SNX22: variants seen among roughly 807,000 people sequenced by gnomAD.
The protein encoded by SNX22 is sorting nexin 22.
SNX22 carries 23 observed loss-of-function variants against 24.7 expected under a neutral mutation model. The ratio of observed to expected loss-of-function variants is 0.93; its 90% CI spans 0.67 to 1.32. SNX22 has a LOEUF of 1.32. Among genes scored for constraint, SNX22 ranks in the 40% most tolerant of loss-of-function variants. SNX22 has a pLI of 0.00. For synonymous variants in SNX22, 99 were observed against 104.0 expected (o/e 0.95, Z 0.29); for missense variants, 261 against 249.9 (o/e 1.04, Z -0.30).
chr15:64,152,778 C>G, intron 3 of SNX22, 36 bp downstream of exon 3: 1 of 1,587,606 alleles, frequency 6.3e-7, no homozygotes, highest in African/African-American at 1.3e-5. Flanking sequence ...CCCCGGCCTT[C>G]TGTGCCAGGG....
chr15:64,152,561 A>C, intron 2 of SNX22, 77 bp from the exon 3 acceptor site: 1 of 1,419,632 alleles, frequency 7.0e-7, no homozygotes, highest in African/African-American at 1.4e-5. Flanking sequence ...GGGGCGCGGG[A>C]GGGCTTCTGG....
At chr15:64,152,538 G>A in intron 2 of SNX22, 100 bp from the exon 3 acceptor site, 1 of 1,308,786 alleles carries the variant, frequency 7.6e-7, no homozygotes, top group Non-Finnish European at 1.1e-6. Context: ...TGTCCCAGTA[G>A]AGCCCGAAGG....
chr15:64,151,797 T>TCGGTGGGGCCCGAGG lies in SNX22; in HGVS notation c.24_38dup (p.Val9_Ala13dup). 1 of 1,516,102 alleles carries TCGGTGGGGCCCGAGG rather than the reference T, an allele frequency of 6.6e-7. No homozygotes were observed. The highest frequency in any genetic ancestry group is 8.8e-7 in the Non-Finnish European group (1 of 1,132,496). 93.9% of individuals were successfully genotyped at this position (1,516,102 alleles called of 1,614,324 possible). A position where few individuals can be genotyped will look rare whatever the true frequency, so the allele number is the denominator to read the frequency against. ...GCGGATGCTGGAAGTTCACATCCCG[T>TCGGTGGGGCCCGAGG]CGGTGGGGCCCGAGGCCGAGGGGCC... On this transcript the variant is annotated inframe_insertion, in exon 1 of 7. Coordinates refer to ENST00000325881, the MANE Select transcript of SNX22 (RefSeq NM_024798.3).
Position 64,156,103 on chromosome 15 carries a change from C to A in SNX22, c.*1595C>A. The stretch of plus-strand genomic sequence containing the variant: ...ATGATCACATCCTTCAGGGGTTTAT[C>A]CCGGCTGTCTGTCTTGGTGCTCTCC... On this transcript the variant is annotated 3_prime_UTR_variant, in exon 7 of 7. Transcript: ENST00000325881. The surrounding 1 kb of genome is among the most constrained non-coding windows in gnomAD (Gnocchi z 6.4). 6 of 1,614,214 alleles carry A rather than the reference C, an allele frequency of 3.7e-6. No homozygotes were observed. Among genetic ancestry groups the A allele is most frequent in the Non-Finnish European group, 3.4e-6 (4 of 1,180,038 alleles).
chr15:64,154,710 A>G lies in SNX22; in HGVS notation c.*202A>G. The G allele has an allele frequency of 1.7e-6, 1 of 593,138 alleles. No individual in the cohort carries two copies. The highest frequency in any genetic ancestry group is 2.8e-6 in the Non-Finnish European group (1 of 351,438). The allele number at this position is 593,138 out of a possible 1,614,324, so 36.7% of individuals were successfully genotyped here. A position where few individuals can be genotyped will look rare whatever the true frequency, so the allele number is the denominator to read the frequency against. On this transcript the variant is annotated 3_prime_UTR_variant, in exon 7 of 7. Transcript: ENST00000325881. ...TAGAATTTGTATGCTCTTAGAGCCC[A>G]ACAGCCAAGGCAGGGTCAAGAAGAT...
rs905339451 is a variant in SNX22 at position 64,156,946 on chromosome 15, T to C, written c.*2438T>C. 1.1e-5 allele frequency: 18 copies of C among 1,607,088 alleles called. No individual in the cohort carries two copies. Among genetic ancestry groups the C allele is most frequent in the Middle Eastern group, 1.8e-4 (1 of 5,624 alleles). ...GACAGAGCAGGTCAGGGGCGCTGGA[T>C]TGCGCCAAACCAAGCAGACATTCGG... is the stretch of plus-strand genomic sequence containing the variant. On this transcript the variant is annotated 3_prime_UTR_variant, in exon 7 of 7. Transcript: ENST00000325881. The surrounding 1 kb of genome is among the most constrained non-coding windows in gnomAD (Gnocchi z 6.4).
chr15:64,156,547 G>T lies in SNX22; in HGVS notation c.*2039G>T. ...TGGCTGGGCTCTGAGGGGGCTGGAA[G>T]AATTTAGAACCTTGGAGGCATGGAG... is the stretch of plus-strand genomic sequence containing the variant. On this transcript the variant is annotated 3_prime_UTR_variant, in exon 7 of 7. Transcript: ENST00000325881. This position sits in a 1 kb window ranked among gnomAD's most constrained non-coding sequence, Gnocchi z 6.4. The T allele has an allele frequency of 1.2e-6, 1 of 825,370 alleles. No homozygotes were observed. 51.1% of individuals were successfully genotyped at this position (825,370 alleles called of 1,614,324 possible). A position where few individuals can be genotyped will look rare whatever the true frequency, so the allele number is the denominator to read the frequency against.
In SNX22 at chr15:64,156,632, G is replaced by A. The variant is rs2081533714; in HGVS notation, c.*2124G>A. Reference sequence around the variant, plus strand: ...GCATCTGTGGGTTGGGTCCTTTTGGGAAAGGGATGGACACATGGAGCTCCT... The same window carrying A: ...GCATCTGTGGGTTGGGTCCTTTTGGAAAAGGGATGGACACATGGAGCTCCT... On this transcript the variant is annotated 3_prime_UTR_variant, in exon 7 of 7. Coordinates refer to ENST00000325881, the MANE Select transcript of SNX22 (RefSeq NM_024798.3). The surrounding 1 kb of genome is among the most constrained non-coding windows in gnomAD (Gnocchi z 6.4). 1.8e-5 allele frequency: 27 copies of A among 1,495,698 alleles called. No individual in the cohort carries two copies. In the South Asian group the frequency reaches 3.1e-4, roughly 17 times the overall value. 92.7% of individuals were successfully genotyped at this position (1,495,698 alleles called of 1,614,324 possible).
chr15:64,156,212 C>T lies in SNX22; in HGVS notation c.*1704C>T, dbSNP rs1184590379. The T allele has an allele frequency of 6.3e-7, 1 of 1,597,744 alleles. No homozygotes were observed. Among genetic ancestry groups the T allele is most frequent in the African/African-American group, 1.3e-5 (1 of 74,676 alleles). ...GAGGTCCACCGCTCAGGAGAAAGGCCCCAGCGTATGGCTCAGGAGGGCTAA... is the reference window on the plus strand; with the variant it reads ...GAGGTCCACCGCTCAGGAGAAAGGCTCCAGCGTATGGCTCAGGAGGGCTAA... On this transcript the variant is annotated 3_prime_UTR_variant, in exon 7 of 7. Coordinates refer to ENST00000325881, the MANE Select transcript of SNX22 (RefSeq NM_024798.3). This position sits in a 1 kb window ranked among gnomAD's most constrained non-coding sequence, Gnocchi z 6.4.
Position 64,157,216 on chromosome 15 carries a change from G to A in SNX22, c.*2708G>A. 1 of 421,540 alleles carries A rather than the reference G, an allele frequency of 2.4e-6. No individual in the cohort carries two copies. Among genetic ancestry groups the A allele is most frequent in the Non-Finnish European group, 4.4e-6 (1 of 228,358 alleles). 26.1% of individuals were successfully genotyped at this position (421,540 alleles called of 1,614,324 possible). ...TCAGCTCCCCTTAGCTATGGCCCAG[G>A]CCTGCCACGGAGGGACTTTGGTGGA... On this transcript the variant is annotated 3_prime_UTR_variant, in exon 7 of 7. Transcript: ENST00000325881. The surrounding 1 kb of genome is among the most constrained non-coding windows in gnomAD (Gnocchi z 4.2).
Position 64,154,471 on chromosome 15 carries a change from C to T in SNX22, c.545C>T (p.Ala182Val), listed in dbSNP as rs199721409. ...AGCCCAGATAAAGCCCAGCCAAAGG[C>T]GGCCTGTCACCCTGCTCCTCTGCCA... ...SISPDKAQPK[A>V]ACHPAPLPPM... The change falls in exon 7 of 7, where the codon GCG becomes GTG. Residue 182 changes from alanine to valine, a missense_variant. Transcript: ENST00000325881. 6.6e-5 allele frequency: 106 copies of T among 1,614,186 alleles called. 2 individuals are homozygous for T. The South Asian group carries it at 7.9e-4, about 12-fold the overall frequency.
In SNX22 at chr15:64,156,621, G is replaced by T; in HGVS notation, c.*2113G>T. 1 of 1,375,588 alleles carries T rather than the reference G, an allele frequency of 7.3e-7. No homozygotes were observed. Among genetic ancestry groups the T allele is most frequent in the Non-Finnish European group, 1.0e-6 (1 of 963,436 alleles). The allele number at this position is 1,375,588 out of a possible 1,614,324, so 85.2% of individuals were successfully genotyped here. A position where few individuals can be genotyped will look rare whatever the true frequency, so the allele number is the denominator to read the frequency against. On this transcript the variant is annotated 3_prime_UTR_variant, in exon 7 of 7. Coordinates refer to ENST00000325881, the MANE Select transcript of SNX22 (RefSeq NM_024798.3). The surrounding 1 kb of genome is among the most constrained non-coding windows in gnomAD (Gnocchi z 6.4). The stretch of plus-strand genomic sequence containing the variant: ...AGCACTGGGCTGCATCTGTGGGTTG[G>T]GTCCTTTTGGGAAAGGGATGGACAC...
Position 64,155,816 on chromosome 15 carries a change from A to C in SNX22, c.*1308A>C. On this transcript the variant is annotated 3_prime_UTR_variant, in exon 7 of 7. Transcript: ENST00000325881. Reference sequence around the variant, plus strand: ...CTCAAGAACCAGGCCCACACATTATATATTAAAAAAAAAAAAACCCACATT... The same window carrying C: ...CTCAAGAACCAGGCCCACACATTATCTATTAAAAAAAAAAAAACCCACATT... 1 of 544,856 alleles carries C rather than the reference A, an allele frequency of 1.8e-6. No homozygotes were observed. The highest frequency in any genetic ancestry group is 3.0e-6 in the Non-Finnish European group (1 of 329,080). 33.8% of individuals were successfully genotyped at this position (544,856 alleles called of 1,614,324 possible).
rs766357669 is a variant in SNX22, at chr15:64,156,751, C to A, written c.*2243C>A. 6.2e-7 allele frequency: 1 copy of A among 1,614,214 alleles called. No individual in the cohort carries two copies. Among genetic ancestry groups the A allele is most frequent in the Non-Finnish European group, 8.5e-7 (1 of 1,180,038 alleles). On this transcript the variant is annotated 3_prime_UTR_variant, in exon 7 of 7. Transcript: ENST00000325881. The surrounding 1 kb of genome is among the most constrained non-coding windows in gnomAD (Gnocchi z 6.4). The stretch of plus-strand genomic sequence containing the variant: ...ATGCCCTCTAGAACTTTGCCAAACA[C>A]CACATGCTTGCCATCTAGCCAGGCT...
chr15:64,156,351 T>C lies in SNX22; in HGVS notation c.*1843T>C. On this transcript the variant is annotated 3_prime_UTR_variant, in exon 7 of 7. Coordinates refer to ENST00000325881, the MANE Select transcript of SNX22 (RefSeq NM_024798.3). This position sits in a 1 kb window ranked among gnomAD's most constrained non-coding sequence, Gnocchi z 6.4. ...GAGGGGGTACAGGAATTTTGTTCCT[T>C]TGAAGTAAGACCCAGGTTGGGCCAA... 1 of 736,244 alleles carries C rather than the reference T, an allele frequency of 1.4e-6. No homozygotes were observed. Among genetic ancestry groups the C allele is most frequent in the Non-Finnish European group, 2.3e-6 (1 of 437,576 alleles). 45.6% of individuals were successfully genotyped at this position (736,244 alleles called of 1,614,324 possible).
chr15:64,152,981 C>A, intron 3 of SNX22: 1 of 608,332 alleles, frequency 1.6e-6, no homozygotes, highest in Non-Finnish European at 2.9e-6. Flanking sequence ...GGTCCTGTCC[C>A]CTCCATGGTG....
At position 64,152,300 on chromosome 15, in the gene SNX22, A is replaced by G. The variant is rs1210735947; in HGVS notation, c.133A>G (p.Ser45Gly). The change falls in exon 2 of 7, where the codon AGC (serine) becomes GGC (glycine). Residue 45 changes from serine to glycine, a missense_variant. Transcript: ENST00000325881. ...CAGACACACGGTGCCAAGGCGCTAC[A>G]GCGAGTTCCACGCGCTGCACAAGCG... ...GRRHTVPRRY[S>G]EFHALHKRIK... 10 of 1,512,428 alleles carry G rather than the reference A, an allele frequency of 6.6e-6. No homozygotes were observed. The highest frequency in any genetic ancestry group is 2.1e-5 in the Admixed American group (1 of 47,476). The allele number at this position is 1,512,428 out of a possible 1,614,324, so 93.7% of individuals were successfully genotyped here. A position where few individuals can be genotyped will look rare whatever the true frequency, so the allele number is the denominator to read the frequency against.
Position 64,156,903 on chromosome 15 carries a change from C to T in SNX22, c.*2395C>T. On this transcript the variant is annotated 3_prime_UTR_variant, in exon 7 of 7. Coordinates refer to ENST00000325881, the MANE Select transcript of SNX22 (RefSeq NM_024798.3). This position sits in a 1 kb window ranked among gnomAD's most constrained non-coding sequence, Gnocchi z 6.4. ...ATCGGGGAAGCGCTCACCGTAGATGCTCTTTCCTGGGAAAAAAGACAGAGC... is the reference window on the plus strand; with the variant it reads ...ATCGGGGAAGCGCTCACCGTAGATGTTCTTTCCTGGGAAAAAAGACAGAGC... The T allele has an allele frequency of 6.2e-7, 1 of 1,614,100 alleles. No homozygotes were observed. Among genetic ancestry groups the T allele is most frequent in the Non-Finnish European group, 8.5e-7 (1 of 1,179,982 alleles).
chr15:64,153,470 C>T, intron 4 of SNX22, 131 bp downstream of exon 4: 1 of 1,485,808 alleles, frequency 6.7e-7, no homozygotes, highest in Non-Finnish European at 9.1e-7. Context: ...CTCTCTTGAC[C>T]TGGGTGGAGG....
Sources: allele counts gnomAD v4.1 joint callset, GRCh38; gene constraint gnomAD v4.1.1; non-coding constraint Gnocchi (gnomAD v3.1); transcripts MANE v1.5; gene names NCBI Gene and HGNC (gene_info 2026-07-23, HGNC 2026-07-21).